Variants in DACH2 observed in about 807,000 individuals in gnomAD.
DACH2 encodes the protein dachshund family transcription factor 2, also known as dachshund homolog 2.
DACH2 carries 17 observed loss-of-function variants against 35.8 expected under a neutral mutation model. The ratio of observed to expected loss-of-function variants is 0.48; its 90% CI spans 0.33 to 0.71. The LOEUF (loss-of-function observed/expected upper bound fraction) is 0.71. Ranked by LOEUF, DACH2 falls within the 30% of genes least tolerant of loss-of-function variation. The pLI, the probability that DACH2 is intolerant of heterozygous loss-of-function variation, is 0.02. For missense variants in DACH2, 469 were observed against 472.7 expected (o/e 0.99, Z 0.07); for synonymous variants, 195 against 177.3 (o/e 1.10, Z -0.79).
Position 86,240,565 on chromosome X carries a change from C to T in DACH2, c.488+91457C>T, listed in dbSNP as rs1236149258. On this transcript the variant is annotated intron_variant, in intron 1 of 11. Transcript: ENST00000373125. The stretch of plus-strand genomic sequence containing the variant: ...CTCATTGCAGCCCTGACCTTGTGGG[C>T]TCTAGTGATTCTCTGCCTCAGCCTC... 3.7e-5 allele frequency among the ~76,000 whole-genome samples: 4 copies of T among 108,749 alleles called. No individual in the cohort carries two copies. The Admixed American group carries it at 4.0e-4, about 11-fold the overall frequency. 94.4% of individuals were successfully genotyped at this position (108,749 alleles called of 115,157 possible). A position where few individuals can be genotyped will look rare whatever the true frequency, so the allele number is the denominator to read the frequency against.
At chrX:86,612,072 A>G in intron 3 of DACH2, among the ~76,000 whole-genome samples, 1 of 107,127 alleles carries the variant, frequency 9.3e-6, no homozygotes. Context: ...ACAGGTGATG[A>G]ATACTGCCAG....
At chrX:86,404,732 C>T (rs1003085387) in intron 2 of DACH2, among the ~76,000 whole-genome samples, 4 of 112,294 alleles carry the variant, frequency 3.6e-5, no homozygotes, top group Non-Finnish European at 7.5e-5. Context: ...CTAGTCAGTG[C>T]CCCTGTGGAA....
intron 2 of DACH2, among the ~76,000 whole-genome samples, chrX:86,419,034 G>A (rs1294710066): frequency 9.0e-6 from 1 of 111,441 alleles, no homozygotes; most frequent in Admixed American, 9.5e-5. Flanking sequence ...CCAGTTCCCA[G>A]CAATTTTTTT....
At chrX:86,818,192 G>A (rs1183353418) in intron 11 of DACH2, among the ~76,000 whole-genome samples, 2 of 111,401 alleles carry the variant, frequency 1.8e-5, no homozygotes, top group Non-Finnish European at 3.8e-5. Context: ...CGACATTTAA[G>A]CACTGTAAAT....
intron 11 of DACH2, among the ~76,000 whole-genome samples, chrX:86,821,379 C>T (rs1457297805): frequency 1.8e-5 from 2 of 110,558 alleles, no homozygotes; most frequent in Non-Finnish European, 3.8e-5. Context: ...CTTTTATTTC[C>T]TAGAGAAACT....
chrX:86,447,182 A>G (rs1363829166), intron 2 of DACH2, among the ~76,000 whole-genome samples: 2 of 97,463 alleles, frequency 2.1e-5, no homozygotes, highest in Non-Finnish European at 4.1e-5. Context: ...TTCATTGTAG[A>G]TTCTGGATAT....
At chrX:86,667,303 AAAGAAGGAAGGAAGGAAG>A (rs1569463394) in intron 4 of DACH2, among the ~76,000 whole-genome samples, 2 of 63,320 alleles carry the variant, frequency 3.2e-5, no homozygotes, top group African/African-American at 1.3e-4. Context: ...GGAAGGAAGG[AAAGAAGGAAGGAAGGAAG>A]GAAGGAAGGA....
intron 2 of DACH2, among the ~76,000 whole-genome samples, chrX:86,474,039 C>A (rs2037801723): frequency 8.9e-6 from 1 of 111,748 alleles, no homozygotes; most frequent in African/African-American, 3.3e-5. Context: ...TTTTGCCTGT[C>A]TTTGGATATA....
intron 1 of DACH2, among the ~76,000 whole-genome samples, chrX:86,234,334 T>G (rs905989072): frequency 9.0e-6 from 1 of 111,664 alleles, no homozygotes; most frequent in Non-Finnish European, 1.9e-5. Context: ...TAATTTCAGC[T>G]AACATTACTT....
chrX:86,447,046 T>A (rs1170548815), intron 2 of DACH2, among the ~76,000 whole-genome samples: 2 of 74,291 alleles, frequency 2.7e-5, no homozygotes, highest in African/African-American at 5.0e-5. Flanking sequence ...TGATGGCCAG[T>A]GATGATGAGC....
intron 7 of DACH2, among the ~76,000 whole-genome samples, chrX:86,747,365 C>A (rs1238042227): frequency 9.0e-6 from 1 of 111,250 alleles, no homozygotes; most frequent in Non-Finnish European, 1.9e-5. Flanking sequence ...CAATTTCTTC[C>A]AGCAATGTTT....
intron 7 of DACH2, among the ~76,000 whole-genome samples, chrX:86,753,921 C>A (rs777707747): frequency 4.1e-5 from 4 of 97,919 alleles, no homozygotes; most frequent in Non-Finnish European, 8.3e-5. Flanking sequence ...TAAACTGAAC[C>A]AAATATGAGC....
chrX:86,417,089 C>CAAAAAA (rs386417185), intron 2 of DACH2, among the ~76,000 whole-genome samples: 4 of 23,035 alleles, frequency 1.7e-4, no homozygotes, highest in African/African-American at 6.0e-4. Context: ...GACTCCATCT[C>CAAAAAA]AAAAAAAAAA....
chrX:86,400,961 T>C (rs1244385432), intron 2 of DACH2, among the ~76,000 whole-genome samples: 1 of 112,627 alleles, frequency 8.9e-6, no homozygotes, highest in Non-Finnish European at 1.9e-5. Flanking sequence ...TGTTTGTCGG[T>C]GCCCTGCACC....
chrX:86,552,199 C>A (rs1030072953), intron 3 of DACH2, among the ~76,000 whole-genome samples: 2 of 110,984 alleles, frequency 1.8e-5, no homozygotes, highest in Non-Finnish European at 3.8e-5. Flanking sequence ...CAACATTTCT[C>A]GACGTGAATA....
At chrX:86,438,881 A>G (rs1330010783) in intron 2 of DACH2, among the ~76,000 whole-genome samples, 1 of 112,029 alleles carries the variant, frequency 8.9e-6, no homozygotes, top group African/African-American at 3.2e-5. Context: ...TTGACTTTTT[A>G]GTAATAGCCA....
chrX:86,708,880 C>T (rs931696708), intron 5 of DACH2, among the ~76,000 whole-genome samples: 4 of 111,214 alleles, frequency 3.6e-5, no homozygotes, highest in African/African-American at 1.3e-4. Flanking sequence ...AGGACTACTG[C>T]AGAACTCTGA....
rs1320072300 is a variant in DACH2, at chrX:86,282,926, C to T, written c.489-93898C>T. 7.0e-5 allele frequency among the ~76,000 whole-genome samples: 3 copies of T among 42,810 alleles called. 1 individual carries two copies. Among genetic ancestry groups the T allele is most frequent in the Non-Finnish European group, 1.1e-4 (3 of 28,440 alleles). The allele number at this position is 42,810 out of a possible 115,157, so 37.2% of individuals were successfully genotyped here. A position where few individuals can be genotyped will look rare whatever the true frequency, so the allele number is the denominator to read the frequency against. On this transcript the variant is annotated intron_variant, in intron 1 of 11. Coordinates refer to ENST00000373125, the MANE Select transcript of DACH2 (RefSeq NM_053281.3). The stretch of plus-strand genomic sequence containing the variant: ...CCAAGTAGCTGGGACTACAGGCGCC[C>T]GCCACTACGCCCGGCTAATTTTTTG...
intron 3 of DACH2, among the ~76,000 whole-genome samples, chrX:86,528,960 T>C (rs1037221333): frequency 8.9e-6 from 1 of 112,392 alleles, no homozygotes; most frequent in African/African-American, 3.2e-5. Context: ...TCCTGTCTTG[T>C]AGCTATTTTG....
Sources: gnomAD v4.1 joint callset for allele counts (sites outside exome capture counted in the v4.1 genomes callset) on GRCh38, gnomAD v4.1.1 for gene constraint, MANE v1.5 for transcripts, NCBI Gene and HGNC (gene_info 2026-07-23, HGNC 2026-07-21) for gene names.